Variants in GRID2 observed in about 807,000 individuals in gnomAD.
GRID2 encodes the protein glutamate receptor ionotropic, delta-2.
Under a neutral mutation model 114.8 loss-of-function variants are expected in GRID2, and 33 were observed. The ratio of observed to expected loss-of-function variants is 0.29; its 90% CI spans 0.22 to 0.38. GRID2 has a LOEUF of 0.38. GRID2 is among the 10% of genes least tolerant of loss of function. The probability of loss-of-function intolerance (pLI) is 1.00; values close to 1 mark genes in which losing one functional copy is unlikely to be tolerated. For synonymous variants in GRID2, 505 were observed against 449.9 expected, an observed-to-expected ratio of 1.12 and a Z score of -1.55; for missense variants, 1,184 against 1,257.7, an observed-to-expected ratio of 0.94 and a Z score of 0.89.
chr4:93,005,097 T>G (rs1476546190), intron 2 of GRID2, among the ~76,000 whole-genome samples: 1 of 152,056 alleles, frequency 6.6e-6, no homozygotes, highest in African/African-American at 2.4e-5. Flanking sequence ...CCAGATTCAC[T>G]CATTCAACAC....
chr4:92,361,789 T>C (rs1728632504), intron 1 of GRID2, among the ~76,000 whole-genome samples: 1 of 152,010 alleles, frequency 6.6e-6, no homozygotes, highest in Non-Finnish European at 1.5e-5. Flanking sequence ...TCTTGTAATC[T>C]GGGCTTCTGG....
intron 2 of GRID2, among the ~76,000 whole-genome samples, chr4:92,896,893 C>T (rs530160781): frequency 1.3e-5 from 2 of 152,166 alleles, no homozygotes; most frequent in African/African-American, 2.4e-5. Flanking sequence ...CAGGTATGTG[C>T]GACGACGCCC....
chr4:93,031,192 C>A (rs1184252288), intron 2 of GRID2, among the ~76,000 whole-genome samples: 1 of 151,410 alleles, frequency 6.6e-6, no homozygotes, highest in African/African-American at 2.4e-5. Flanking sequence ...ACTATAGGCA[C>A]CTGCCACCAC....
At chr4:93,002,622 G>C (rs1277103668) in intron 2 of GRID2, among the ~76,000 whole-genome samples, 1 of 151,510 alleles carries the variant, frequency 6.6e-6, no homozygotes, top group Non-Finnish European at 1.5e-5. Context: ...TTTCTGCTTT[G>C]TTTTCTATTT....
intron 2 of GRID2, among the ~76,000 whole-genome samples, chr4:92,640,804 C>A (rs187374601): frequency 6.6e-6 from 1 of 151,768 alleles, no homozygotes; most frequent in Non-Finnish European, 1.5e-5. Context: ...AGCACTTAAA[C>A]TTGTAATTCT....
Position 93,753,336 on chromosome 4 carries a change from A to C in GRID2, c.2361-15874A>C, listed in dbSNP as rs77203989. Among the ~76,000 whole-genome samples, 1,036 of 152,260 alleles carry C rather than the reference A, an allele frequency of 6.8e-3. 14 individuals carry two copies. Among genetic ancestry groups the C allele is most frequent in the African/African-American group, 0.024 (992 of 41,532 alleles). On this transcript the variant is annotated intron_variant, in intron 14 of 15. Coordinates refer to ENST00000282020, the MANE Select transcript of GRID2 (RefSeq NM_001510.4). ...AGCTTATCTTGTTATGCATCTTAGA[A>C]AAATTCTTTTTATTATTATTATTAT...
chr4:93,528,805 C>T (rs958337704), intron 13 of GRID2, among the ~76,000 whole-genome samples: 2 of 152,106 alleles, frequency 1.3e-5, no homozygotes, highest in Non-Finnish European at 2.9e-5. Flanking sequence ...GTTATTCGGA[C>T]ACATCCAATT....
At chr4:93,384,746 A>C (rs1375649544) in intron 8 of GRID2, among the ~76,000 whole-genome samples, 1 of 152,176 alleles carries the variant, frequency 6.6e-6, no homozygotes, top group African/African-American at 2.4e-5. Context: ...CATATCATGC[A>C]CTGCATTATT....
chr4:92,483,875 G>A (rs1722737754), intron 1 of GRID2, among the ~76,000 whole-genome samples: 1 of 152,122 alleles, frequency 6.6e-6, no homozygotes, highest in African/African-American at 2.4e-5. Flanking sequence ...CTGACAGTGT[G>A]GCAAATTAGC....
At chr4:92,519,730 C>A (rs968035) in intron 1 of GRID2, among the ~76,000 whole-genome samples, 5,846 of 151,696 alleles carry the variant, frequency 0.039, 386 homozygotes, top group African/African-American at 0.13. Flanking sequence ...CCCAGGAGAA[C>A]CAATGGTGTA....
At chr4:93,466,320 C>T (rs1292561617) in intron 11 of GRID2, among the ~76,000 whole-genome samples, 1 of 152,126 alleles carries the variant, frequency 6.6e-6, no homozygotes, top group Non-Finnish European at 1.5e-5. Flanking sequence ...CGAAGTGGAG[C>T]TTAGCCTGCT....
Position 93,110,889 on chromosome 4 carries a change from G to T in GRID2, c.671G>T (p.Arg224Leu). ...TMRIEELNRY[R>L]DTLRRAILVM... ...AGAATAGAAGAACTGAATCGCTATCGAGACACTCTTAGGCGAGCGATCCTT... is the reference window on the plus strand; with the variant it reads ...AGAATAGAAGAACTGAATCGCTATCTAGACACTCTTAGGCGAGCGATCCTT... Residue 224 changes from arginine to leucine, a missense_variant, in exon 4 of 16, where the codon CGA (arginine) becomes CTA (leucine). By Grantham distance (102) the Arg-to-Leu change is moderately radical (BLOSUM62 -2). This residue lies in a region of GRID2 where 455 missense variants were observed against 429.5 expected (regional missense o/e 1.06). Transcript: ENST00000282020. The T allele has an allele frequency of 6.2e-7, 1 of 1,612,912 alleles. No homozygotes were observed. The highest frequency in any genetic ancestry group is 1.1e-5 in the South Asian group (1 of 91,048).
At chr4:93,189,135 T>A (rs1740726524) in intron 4 of GRID2, among the ~76,000 whole-genome samples, 2 of 152,204 alleles carry the variant, frequency 1.3e-5, no homozygotes, top group South Asian at 4.1e-4. Context: ...ACATTTTAAG[T>A]TATTTGTTAT....
intron 1 of GRID2, among the ~76,000 whole-genome samples, chr4:92,553,579 C>T (rs920328044): frequency 6.6e-6 from 1 of 151,974 alleles, no homozygotes; most frequent in Non-Finnish European, 1.5e-5. Flanking sequence ...TTTTTAATTG[C>T]ATAAATTATA....
chr4:92,517,810 T>G (rs1476103277), intron 1 of GRID2, among the ~76,000 whole-genome samples: 1 of 151,942 alleles, frequency 6.6e-6, no homozygotes, highest in Non-Finnish European at 1.5e-5. Flanking sequence ...AGTGCCACTA[T>G]GTGGAGACCC....
chr4:92,981,858 G>A (rs1754232408), intron 2 of GRID2, among the ~76,000 whole-genome samples: 1 of 151,444 alleles, frequency 6.6e-6, no homozygotes, highest in Non-Finnish European at 1.5e-5. Context: ...TGTTAAACTG[G>A]GAAAACGCAC....
intron 2 of GRID2, among the ~76,000 whole-genome samples, chr4:92,876,354 A>G (rs554072045): frequency 2.1e-4 from 32 of 151,672 alleles, no homozygotes; most frequent in African/African-American, 6.8e-4. Context: ...GCTGGAGTGC[A>G]GTGGCACCAT....
chr4:93,139,235 CAG>C (rs1164647031), intron 4 of GRID2, among the ~76,000 whole-genome samples: 2 of 152,176 alleles, frequency 1.3e-5, no homozygotes, highest in East Asian at 1.9e-4. Context: ...TGAGGGGAGA[CAG>C]TGGTTATCTG....
intron 2 of GRID2, among the ~76,000 whole-genome samples, chr4:92,834,666 A>T (rs1742332482): frequency 6.6e-6 from 1 of 152,216 alleles, no homozygotes; most frequent in Admixed American, 6.5e-5. Flanking sequence ...ATAACTAAAC[A>T]CATTATTTCA....
Sources: gnomAD v4.1 joint callset for allele counts (sites outside exome capture counted in the v4.1 genomes callset) on GRCh38, gnomAD v4.1.1 for gene constraint, gnomAD v4.1.1 regional missense constraint, MANE v1.5 for transcripts, NCBI Gene and HGNC (gene_info 2026-07-23, HGNC 2026-07-21) for gene names.